Variants in PEA15 observed in about 807,000 individuals in gnomAD.
PEA15 encodes the protein astrocytic phosphoprotein PEA-15.
For synonymous variants in PEA15, 60 were observed against 61.8 expected, an observed-to-expected ratio of 0.97 and a Z score of 0.13; for missense variants, 77 against 161.3, an observed-to-expected ratio of 0.48 and a Z score of 2.83.
chr1:160,212,412 A>G (rs1285109155), intron 2 of PEA15, among the ~76,000 whole-genome samples: 1 of 152,092 alleles, frequency 6.6e-6, no homozygotes, highest in Non-Finnish European at 1.5e-5. Flanking sequence ...TGTGTTGTAG[A>G]GAGCCTGGGT....
chr1:160,207,840 T>TG (rs1654667984), intron 1 of PEA15, among the ~76,000 whole-genome samples: 1 of 152,182 alleles, frequency 6.6e-6, no homozygotes, highest in Non-Finnish European at 1.5e-5. Flanking sequence ...CCAACCCCTC[T>TG]GCCTCTCCGT....
chr1:160,211,015 C>G (rs1248703605), intron 1 of PEA15, among the ~76,000 whole-genome samples: 1 of 152,130 alleles, frequency 6.6e-6, no homozygotes, highest in East Asian at 1.9e-4. Context: ...GTGAGGGACC[C>G]CTTTGCCTTT....
chr1:160,206,951 G>A (rs1398770678), intron 1 of PEA15, among the ~76,000 whole-genome samples: 1 of 152,132 alleles, frequency 6.6e-6, no homozygotes, highest in Non-Finnish European at 1.5e-5. Context: ...CCTCAATTCC[G>A]TGCCCATCAT....
In PEA15 at chr1:160,208,249, G is replaced by T. The variant is rs573356600; in HGVS notation, c.-3+2727G>T. ...CACCCTAAAAGGTCAGTATATAATG[G>T]TCCTTACCTCCTGCCCCTCTTCCCC... On this transcript the variant is annotated intron_variant, in intron 1 of 3. Coordinates refer to ENST00000360472, the MANE Select transcript of PEA15 (RefSeq NM_003768.5). The surrounding 1 kb of genome is among the most constrained non-coding windows in gnomAD (Gnocchi z 4.1). 12 of 308,544 alleles carry T rather than the reference G, an allele frequency of 3.9e-5. No homozygotes were observed. Among genetic ancestry groups the T allele is most frequent in the African/African-American group, 2.5e-4 (12 of 47,078 alleles). 19.1% of individuals were successfully genotyped at this position (308,544 alleles called of 1,614,324 possible).
chr1:160,211,528 G>T lies in PEA15; in HGVS notation c.-2-15G>T, dbSNP rs1338316167. ...TAAGCTCAACTCCTATCCCTTTGTC[G>T]CCTCCCAACCCCAGTCATGGCTGAG... is the stretch of plus-strand genomic sequence containing the variant. On this transcript the variant is annotated splice_polypyrimidine_tract_variant and intron_variant, in intron 1 of 3. Coordinates refer to ENST00000360472, the MANE Select transcript of PEA15 (RefSeq NM_003768.5). 1 of 1,596,912 alleles carries T rather than the reference G, an allele frequency of 6.3e-7. No homozygotes were observed. The highest frequency in any genetic ancestry group is 8.6e-7 in the Non-Finnish European group (1 of 1,168,354).
rs532986249 is a variant in PEA15, at chr1:160,211,358, C to T, written c.-2-185C>T. On this transcript the variant is annotated intron_variant, in intron 1 of 3. Transcript: ENST00000360472. ...GGCTCCAGCCTGGCTCCTAGCTTCC[C>T]GTCTACCCTGACTGCCTCCCCTAGG... 185 of 1,292,882 alleles carry T rather than the reference C, an allele frequency of 1.4e-4. No homozygotes were observed. In the South Asian group the frequency reaches 3.7e-3, roughly 26 times the overall value. The allele number at this position is 1,292,882 out of a possible 1,614,324, so 80.1% of individuals were successfully genotyped here.
chr1:160,207,282 GA>G, intron 1 of PEA15: 1 of 152,508 alleles, frequency 6.6e-6, no homozygotes, highest in Admixed American at 6.5e-5. Flanking sequence ...TAGAAAGGAG[GA>G]AAAGAGAGAC....
Position 160,208,867 on chromosome 1 carries a change from A to C in PEA15, c.-2-2676A>C. On this transcript the variant is annotated intron_variant, in intron 1 of 3. Transcript: ENST00000360472. The surrounding 1 kb of genome is among the most constrained non-coding windows in gnomAD (Gnocchi z 4.1). ...ACCATTCCCTACACTCCTCCCATCT[A>C]GTGGTGTCATCCTAACGACTGGGGG... The C allele has an allele frequency of 8.1e-6, 4 of 495,784 alleles. No individual in the cohort carries two copies. The highest frequency in any genetic ancestry group is 7.3e-6 in the Non-Finnish European group (2 of 273,088). 30.7% of individuals were successfully genotyped at this position (495,784 alleles called of 1,614,324 possible). A position where few individuals can be genotyped will look rare whatever the true frequency, so the allele number is the denominator to read the frequency against.
chr1:160,206,197 C>T (rs1043608502), intron 1 of PEA15: 8 of 152,378 alleles, frequency 5.3e-5, no homozygotes, highest in African/African-American at 1.9e-4. Flanking sequence ...ATCCGGCCGC[C>T]CACCACACCC....
chr1:160,211,234 C>T (rs1654864731), intron 1 of PEA15: 10 of 1,021,464 alleles, frequency 9.8e-6, no homozygotes, highest in Admixed American at 5.5e-5. Context: ...CTATGGTAAC[C>T]GCCTCCTCAG....
In PEA15 at chr1:160,205,548, T is replaced by C. The variant is rs1382483166; in HGVS notation, c.-3+26T>C. ...GTGAGAGGGGCGGAGAGGAGACATG[T>C]CGCGGGGAAGGGGCAGATTTCGGGG... is the stretch of plus-strand genomic sequence containing the variant. On this transcript the variant is annotated intron_variant, in intron 1 of 3. Coordinates refer to ENST00000360472, the MANE Select transcript of PEA15 (RefSeq NM_003768.5). The surrounding 1 kb of genome is among the most constrained non-coding windows in gnomAD (Gnocchi z 5.9). The C allele has an allele frequency of 1.3e-5, 2 of 154,660 alleles. No homozygotes were observed. The highest frequency in any genetic ancestry group is 2.9e-5 in the Non-Finnish European group (2 of 69,324). 9.6% of individuals were successfully genotyped at this position (154,660 alleles called of 1,614,324 possible).
At position 160,213,059 on chromosome 1, in the gene PEA15, G is replaced by C. The variant is rs750107485; in HGVS notation, c.173-51G>C. The C allele has an allele frequency of 6.3e-7, 1 of 1,596,394 alleles. No homozygotes were observed. The highest frequency in any genetic ancestry group is 1.3e-5 in the African/African-American group (1 of 74,710). ...AGGTCACTAGTCTGGTGGAGTAGGGGAAGCTGACCTCTACAGCCTAGCTCT... is the reference window on the plus strand; with the variant it reads ...AGGTCACTAGTCTGGTGGAGTAGGGCAAGCTGACCTCTACAGCCTAGCTCT... On this transcript the variant is annotated intron_variant, in intron 2 of 3. Transcript: ENST00000360472. The surrounding 1 kb of genome is among the most constrained non-coding windows in gnomAD (Gnocchi z 5.3).
chr1:160,209,414 C>T (rs1339946404), intron 1 of PEA15, among the ~76,000 whole-genome samples: 1 of 152,168 alleles, frequency 6.6e-6, no homozygotes, highest in African/African-American at 2.4e-5. Flanking sequence ...GCCCCCAAGT[C>T]TTTGTGGGTG....
rs1343464038 is a variant in PEA15, at chr1:160,208,353, A to T, written c.-3+2831A>T. ...AAGGAGAGGGAGGCAGGAAGGAAGG[A>T]AGGTGTGAGGAAGCGGTGAGCCTAG... On this transcript the variant is annotated intron_variant, in intron 1 of 3. Coordinates refer to ENST00000360472, the MANE Select transcript of PEA15 (RefSeq NM_003768.5). The surrounding 1 kb of genome is among the most constrained non-coding windows in gnomAD (Gnocchi z 4.1). 2.0e-6 allele frequency: 1 copy of T among 510,920 alleles called. No homozygotes were observed. Among genetic ancestry groups the T allele is most frequent in the Non-Finnish European group, 3.5e-6 (1 of 282,418 alleles). 31.6% of individuals were successfully genotyped at this position (510,920 alleles called of 1,614,324 possible). A position where few individuals can be genotyped will look rare whatever the true frequency, so the allele number is the denominator to read the frequency against.
rs116005257 is a variant in PEA15 at position 160,213,395 on chromosome 1, C to T, written c.329-27C>T. The T allele has an allele frequency of 4.1e-4, 669 of 1,613,784 alleles. 3 individuals are homozygous for T. In the African/African-American group the frequency reaches 7.6e-3, roughly 18 times the overall value. Reference sequence around the variant, plus strand: ...GCCTGGCATCTCCCACACTGCTGTCCCTGGACACATACCTTTTTGCCCCCA... The same window carrying T: ...GCCTGGCATCTCCCACACTGCTGTCTCTGGACACATACCTTTTTGCCCCCA... On this transcript the variant is annotated intron_variant, in intron 3 of 3. Coordinates refer to ENST00000360472, the MANE Select transcript of PEA15 (RefSeq NM_003768.5). This position sits in a 1 kb window ranked among gnomAD's most constrained non-coding sequence, Gnocchi z 5.3.
At chr1:160,207,510 T>C (rs1184110457) in intron 1 of PEA15, among the ~76,000 whole-genome samples, 1 of 152,168 alleles carries the variant, frequency 6.6e-6, no homozygotes, top group East Asian at 1.9e-4. Flanking sequence ...GGTCTGGCTC[T>C]TTCTAGACCA....
rs1655043377 is a variant in PEA15, at chr1:160,214,916, T to TCTTA, written c.*1430_*1431insCTTA. ...GGAAGAAGCCAGACTGGTTAGACAGTACTCTTAACTCCTAGCCCAGCCTAG... is the reference window on the plus strand; with the variant it reads ...GGAAGAAGCCAGACTGGTTAGACAGTCTTAACTCTTAACTCCTAGCCCAGCCTAG... On this transcript the variant is annotated 3_prime_UTR_variant, in exon 4 of 4. Transcript: ENST00000360472. 6.5e-6 allele frequency: 1 copy of TCTTA among 152,700 alleles called. No individual in the cohort carries two copies. Among genetic ancestry groups the TCTTA allele is most frequent in the Non-Finnish European group, 1.5e-5 (1 of 68,096 alleles). 9.5% of individuals were successfully genotyped at this position (152,700 alleles called of 1,614,324 possible).
intron 1 of PEA15, among the ~76,000 whole-genome samples, chr1:160,210,660 G>T (rs1654834430): frequency 6.6e-6 from 1 of 152,102 alleles, no homozygotes; most frequent in African/African-American, 2.4e-5. Context: ...GAGAAGGGGG[G>T]GCAGTCCCCT....
chr1:160,211,948 A>T (rs1654891154), intron 2 of PEA15, among the ~76,000 whole-genome samples: 1 of 152,242 alleles, frequency 6.6e-6, no homozygotes, highest in Non-Finnish European at 1.5e-5. Flanking sequence ...AACAGAACAT[A>T]AAAACAATCT....
Sources: gnomAD v4.1 joint callset for allele counts (sites outside exome capture counted in the v4.1 genomes callset) on GRCh38, gnomAD v4.1.1 for gene constraint, Gnocchi (gnomAD v3.1) non-coding constraint, MANE v1.5 for transcripts, NCBI Gene and HGNC (gene_info 2026-07-23, HGNC 2026-07-21) for gene names.